The following TRAPPC9 variants were observed in gnomAD, a reference collection of about 807,000 sequenced individuals.
The protein encoded by TRAPPC9 is IKK2 binding protein.
A neutral mutation model predicts 124.0 loss-of-function variants in TRAPPC9; 83 were observed. That is an observed-to-expected ratio of 0.67 (90% CI 0.56 to 0.80). The LOEUF is 0.80. TRAPPC9 is among the 30% of genes least tolerant of loss of function. TRAPPC9 has a pLI of 0.00. For missense variants in TRAPPC9, 1,302 were observed against 1,508.3 expected (o/e 0.86, Z 2.27); for synonymous variants, 638 against 617.5 (o/e 1.03, Z -0.49).
At position 140,353,270 on chromosome 8, in the gene TRAPPC9, C is replaced by T. The variant is rs976516355; in HGVS notation, c.1495+6780G>A. ...AGCAGAAATGCTGTGAAATAAGGCA[C>T]ATCCTTAACACAGGTTCATTCACTG... On this transcript the variant is annotated intron_variant, in intron 9 of 22. Transcript: ENST00000438773. This position sits in a 1 kb window ranked among gnomAD's most constrained non-coding sequence, Gnocchi z 4.2. Among the ~76,000 whole-genome samples, 3 of 152,220 alleles carry T rather than the reference C, an allele frequency of 2.0e-5. No homozygotes were observed. Among genetic ancestry groups the T allele is most frequent in the East Asian group, 3.8e-4 (2 of 5,204 alleles).
intron 20 of TRAPPC9, among the ~76,000 whole-genome samples, chr8:139,893,267 G>C (rs182197474): frequency 9.2e-5 from 14 of 152,136 alleles, no homozygotes; most frequent in African/African-American, 3.4e-4. Context: ...ACGGCGTGCC[G>C]CAGACCTGGA....
At chr8:140,048,784 C>G (rs1348104457) in intron 17 of TRAPPC9, among the ~76,000 whole-genome samples, 1 of 152,150 alleles carries the variant, frequency 6.6e-6, no homozygotes, top group African/African-American at 2.4e-5. Context: ...CCAGGACCCC[C>G]TCTCCCGCAT....
chr8:139,909,901 G>C (rs1191327918), intron 20 of TRAPPC9, among the ~76,000 whole-genome samples: 1 of 152,234 alleles, frequency 6.6e-6, no homozygotes, highest in Non-Finnish European at 1.5e-5. Context: ...GTGATCCAAA[G>C]ACGAGAGCAC....
upstream of TRAPPC9, chr8:140,458,235 G>C (rs1279808867): frequency 3.2e-6 from 5 of 1,550,934 alleles, no homozygotes; most frequent in Admixed American, 7.8e-5. Context: ...TCTGCACCTG[G>C]GGCGGCGCAG....
At chr8:140,296,897 G>T (rs548050740) in intron 11 of TRAPPC9, among the ~76,000 whole-genome samples, 24 of 152,360 alleles carry the variant, frequency 1.6e-4, no homozygotes, top group Admixed American at 3.9e-4. Context: ...CAAAAGAGCA[G>T]CCAGAGACTC....
At chr8:140,272,381 A>G (rs991017797) in intron 15 of TRAPPC9, among the ~76,000 whole-genome samples, 8 of 110,392 alleles carry the variant, frequency 7.2e-5, no homozygotes, top group South Asian at 3.3e-4. Context: ...GGTGGTGGTG[A>G]TGATGGTGAT....
chr8:139,732,045 G>C lies in TRAPPC9; in HGVS notation c.3213C>G (p.Gly1071=). ...TGTCGTGCAGGTCGTAGTTGTGCAC[G>C]CCGTTCTGGTGGTCCTGGAAGGGGA... ...TVVPFQDHQN[G]VHNYDLHDTV... is the part of the protein sequence containing the mutation. Residue 1071 remains glycine, a synonymous_variant, in exon 22 of 23, where the codon GGC becomes GGG. Coordinates refer to ENST00000438773, the MANE Select transcript of TRAPPC9 (RefSeq NM_001160372.4). 6.2e-7 allele frequency: 1 copy of C among 1,604,716 alleles called. No homozygotes were observed.
chr8:140,162,332 G>A (rs1396127991), intron 17 of TRAPPC9, among the ~76,000 whole-genome samples: 1 of 152,132 alleles, frequency 6.6e-6, no homozygotes, highest in Non-Finnish European at 1.5e-5. Context: ...ACCAGCACGT[G>A]GTGTCAGCCC....
At chr8:140,146,498 G>T (rs914602013) in intron 17 of TRAPPC9, among the ~76,000 whole-genome samples, 1 of 152,174 alleles carries the variant, frequency 6.6e-6, no homozygotes, top group Non-Finnish European at 1.5e-5. Flanking sequence ...GCATGTGATT[G>T]TGTGCATATA....
chr8:139,760,366 G>C (rs1466598219), intron 21 of TRAPPC9, among the ~76,000 whole-genome samples: 1 of 152,116 alleles, frequency 6.6e-6, no homozygotes, highest in Non-Finnish European at 1.5e-5. Context: ...GCCAAGATGC[G>C]CTCTGCTTGG....
At position 140,252,922 on chromosome 8, in the gene TRAPPC9, C is replaced by T. The variant is rs1251249505; in HGVS notation, c.2286G>A (p.Leu762=). Residue 762 remains leucine (L), a synonymous_variant, in exon 16 of 23, where the codon TTG becomes TTA. Transcript: ENST00000438773. The surrounding 1 kb of genome is among the most constrained non-coding windows in gnomAD (Gnocchi z 4.2). ...GCTTCCAGCTCAAGAAGTCGCCATA[C>T]AATTTTTCTGTAATAATAACAATGA... is the stretch of plus-strand genomic sequence containing the variant. ...TSKVLTTKEK[L]YGDFLSWKLE... The T allele has an allele frequency of 1.9e-6, 3 of 1,613,628 alleles. No homozygotes were observed. The highest frequency in any genetic ancestry group is 1.1e-5 in the South Asian group (1 of 91,068).
intron 6 of TRAPPC9, among the ~76,000 whole-genome samples, chr8:140,399,781 C>A (rs2069205887): frequency 6.6e-6 from 1 of 152,124 alleles, no homozygotes; most frequent in Admixed American, 6.5e-5. Context: ...GCTGGGAAGG[C>A]ATGATTGGTT....
chr8:139,865,737 G>A (rs1351959638), intron 21 of TRAPPC9, among the ~76,000 whole-genome samples: 1 of 152,168 alleles, frequency 6.6e-6, no homozygotes, highest in Non-Finnish European at 1.5e-5. Flanking sequence ...GGGAGGGGGA[G>A]GAAGGTATCC....
chr8:140,301,362 A>G (rs1313792058), intron 10 of TRAPPC9, among the ~76,000 whole-genome samples: 2 of 152,254 alleles, frequency 1.3e-5, no homozygotes, highest in Non-Finnish European at 2.9e-5. Flanking sequence ...ACCACTGCAT[A>G]TGTATTCTCT....
At chr8:140,407,062 C>T (rs571571567) in intron 5 of TRAPPC9, among the ~76,000 whole-genome samples, 7 of 152,280 alleles carry the variant, frequency 4.6e-5, no homozygotes, top group Admixed American at 1.3e-4. Flanking sequence ...TCACACTCAG[C>T]GGAAGCAGGA....
At position 140,217,356 on chromosome 8, in the gene TRAPPC9, C is replaced by A. The variant is rs747478932; in HGVS notation, c.2556+4103G>T. 4.1e-4 allele frequency among the ~76,000 whole-genome samples: 63 copies of A among 152,060 alleles called. 1 individual carries two copies. The highest frequency in any genetic ancestry group is 1.4e-3 in the African/African-American group (57 of 41,402). ...GCACAAGGAAGGTGGGAGGAAGACA[C>A]GAAGCAGCACAGGGTTGAAAGTAAA... On this transcript the variant is annotated intron_variant, in intron 17 of 22. Transcript: ENST00000438773.
rs549949607 is a variant in TRAPPC9 at position 139,785,963 on chromosome 8, T to C, written c.3056-53761A>G. 6.6e-5 allele frequency among the ~76,000 whole-genome samples: 10 copies of C among 152,128 alleles called. No homozygotes were observed. In the South Asian group the frequency reaches 1.9e-3, roughly 28 times the overall value. Reference sequence around the variant, plus strand: ...TGGTTCACACCTGTAATCCCAGCACTTTCGGAGGCTGAGGCAGCGGATCAC... The same window carrying C: ...TGGTTCACACCTGTAATCCCAGCACCTTCGGAGGCTGAGGCAGCGGATCAC... On this transcript the variant is annotated intron_variant, in intron 21 of 22. Transcript: ENST00000438773.
At chr8:139,807,540 G>T (rs2242180) in intron 21 of TRAPPC9, among the ~76,000 whole-genome samples, 68,642 of 152,058 alleles carry the variant, frequency 0.45, 16,120 homozygotes, top group Non-Finnish European at 0.52. Flanking sequence ...AATCTGCAAG[G>T]AAAACGCAAT....
chr8:140,431,456 AT>A (rs1275981187), intron 4 of TRAPPC9, among the ~76,000 whole-genome samples: 17 of 152,070 alleles, frequency 1.1e-4, no homozygotes, highest in African/African-American at 3.4e-4. Context: ...AAAAAAAAAA[AT>A]AAAAATAAAA....
Sources: allele counts gnomAD v4.1 joint callset (sites outside exome capture counted in the v4.1 genomes callset), GRCh38; gene constraint gnomAD v4.1.1; non-coding constraint Gnocchi (gnomAD v3.1); transcripts MANE v1.5; gene names NCBI Gene and HGNC (gene_info 2026-07-23, HGNC 2026-07-21).